MEIKIN: variants seen among roughly 807,000 people sequenced by gnomAD.
MEIKIN encodes meiosis-specific kinetochore protein.
intron 5 of MEIKIN, among the ~76,000 whole-genome samples, chr5:131,931,831 C>T (rs950439160): frequency 2.6e-5 from 4 of 152,320 alleles, no homozygotes; most frequent in African/African-American, 9.6e-5. Context: ...ACCATTCTCA[C>T]ATTTTGTTTT....
chr5:131,809,939 T>G (rs1348909105), intron 12 of MEIKIN, among the ~76,000 whole-genome samples: 1 of 152,176 alleles, frequency 6.6e-6, no homozygotes, highest in East Asian at 1.9e-4. Flanking sequence ...GAGTGATTAT[T>G]ATATGTCACA....
chr5:131,856,004 G>A (rs2149616999), intron 9 of MEIKIN, among the ~76,000 whole-genome samples: 1 of 152,212 alleles, frequency 6.6e-6, no homozygotes, highest in South Asian at 2.1e-4. Context: ...AAGATGTCAA[G>A]TCTGGAATCT....
rs983675206 is a variant in MEIKIN at position 131,854,753 on chromosome 5, C to A, written c.855+1G>T. The A allele has an allele frequency of 7.5e-6, 3 of 397,654 alleles. No individual in the cohort carries two copies. Among genetic ancestry groups the A allele is most frequent in the African/African-American group, 4.1e-5 (2 of 48,590 alleles). The allele number at this position is 397,654 out of a possible 1,614,324, so 24.6% of individuals were successfully genotyped here. A position where few individuals can be genotyped will look rare whatever the true frequency, so the allele number is the denominator to read the frequency against. ...TACAAGTGCCAAATGCTAATACTTACCACAAAACCAGCTGTCTCTGAAGAT... is the reference window on the plus strand; with the variant it reads ...TACAAGTGCCAAATGCTAATACTTAACACAAAACCAGCTGTCTCTGAAGAT... On this transcript the variant is annotated splice_donor_variant, in intron 10 of 12. Transcript: ENST00000442687. LOFTEE classifies it high-confidence loss of function.
At chr5:131,836,654 T>C (rs1213778807) in intron 11 of MEIKIN, among the ~76,000 whole-genome samples, 1 of 152,184 alleles carries the variant, frequency 6.6e-6, no homozygotes, top group African/African-American at 2.4e-5. Context: ...ATCAGTGATG[T>C]TGAGCTTTTT....
chr5:131,815,485 T>C (rs1773085711), intron 12 of MEIKIN, among the ~76,000 whole-genome samples: 1 of 152,248 alleles, frequency 6.6e-6, no homozygotes, highest in Admixed American at 6.5e-5. Context: ...CTCATAATTT[T>C]ATGCCCCACT....
At chr5:131,813,254 C>G (rs1399457858) in intron 12 of MEIKIN, among the ~76,000 whole-genome samples, 3 of 152,132 alleles carry the variant, frequency 2.0e-5, no homozygotes, top group Admixed American at 6.5e-5. Flanking sequence ...AAATGGTTCT[C>G]TATGATATGC....
At chr5:131,810,813 T>C (rs950620638) in intron 12 of MEIKIN, among the ~76,000 whole-genome samples, 6 of 152,350 alleles carry the variant, frequency 3.9e-5, no homozygotes, top group African/African-American at 1.2e-4. Flanking sequence ...GTTTTTTATT[T>C]AATCAGCATA....
At chr5:131,918,261 T>C (rs2149646391) in intron 6 of MEIKIN, among the ~76,000 whole-genome samples, 1 of 152,372 alleles carries the variant, frequency 6.6e-6, no homozygotes, top group Middle Eastern at 3.4e-3. Flanking sequence ...CTGGATCAAG[T>C]TGCATTTGCA....
chr5:131,835,074 C>A (rs1043079895), intron 11 of MEIKIN, among the ~76,000 whole-genome samples: 21 of 151,888 alleles, frequency 1.4e-4, no homozygotes, highest in African/African-American at 4.6e-4. Flanking sequence ...TAAGTGTTGG[C>A]CATTTGTATG....
intron 9 of MEIKIN, among the ~76,000 whole-genome samples, chr5:131,877,362 C>G (rs1326583015): frequency 6.6e-6 from 1 of 152,076 alleles, no homozygotes; most frequent in Non-Finnish European, 1.5e-5. Flanking sequence ...CCTCCAGATT[C>G]CAGCTGGGCA....
intron 9 of MEIKIN, among the ~76,000 whole-genome samples, chr5:131,874,055 A>G (rs1055800007): frequency 6.6e-6 from 1 of 152,236 alleles, no homozygotes; most frequent in African/African-American, 2.4e-5. Flanking sequence ...AAGATCTAAA[A>G]TTGACACCCT....
At chr5:131,879,164 A>AT (rs1750663211) in intron 8 of MEIKIN, 116 bp from the exon 9 acceptor site, 2 of 392,384 alleles carry the variant, frequency 5.1e-6, no homozygotes, top group South Asian at 1.4e-4. Flanking sequence ...AAAACCCCTG[A>AT]TTTTAATGAC....
chr5:131,827,550 T>G (rs953788790), intron 11 of MEIKIN, among the ~76,000 whole-genome samples: 2 of 151,960 alleles, frequency 1.3e-5, no homozygotes, highest in African/African-American at 4.8e-5. Flanking sequence ...CAAGGAAATA[T>G]GTAAAGAAAA....
At chr5:131,830,781 C>T (rs958389379) in intron 11 of MEIKIN, among the ~76,000 whole-genome samples, 2 of 152,094 alleles carry the variant, frequency 1.3e-5, no homozygotes, top group African/African-American at 4.8e-5. Context: ...CAAAGTAAGC[C>T]ACAAGAGATG....
intron 9 of MEIKIN, among the ~76,000 whole-genome samples, chr5:131,878,331 G>A (rs1580886262): frequency 6.6e-6 from 1 of 152,230 alleles, no homozygotes; most frequent in Middle Eastern, 3.4e-3. Flanking sequence ...ACTTTCGGAG[G>A]CCGAGGCGGG....
chr5:131,822,559 A>G (rs2149603822), intron 11 of MEIKIN, among the ~76,000 whole-genome samples: 1 of 152,286 alleles, frequency 6.6e-6, no homozygotes, highest in Middle Eastern at 3.4e-3. Context: ...AAACATTCAA[A>G]AATAATATTA....
At chr5:131,840,270 T>C (rs1014571218) in intron 11 of MEIKIN, among the ~76,000 whole-genome samples, 1 of 152,184 alleles carries the variant, frequency 6.6e-6, no homozygotes, top group African/African-American at 2.4e-5. Flanking sequence ...TGACCTGACC[T>C]TTTTCTCTAG....
intron 8 of MEIKIN, among the ~76,000 whole-genome samples, chr5:131,895,836 A>G (rs1269044905): frequency 6.6e-6 from 1 of 152,180 alleles, no homozygotes; most frequent in East Asian, 1.9e-4. Flanking sequence ...TCAAAAAACC[A>G]GCACCTGGAT....
chr5:131,835,198 G>GTATATATATGTGTGTATATATATGTGTA (rs1749783720), intron 11 of MEIKIN, among the ~76,000 whole-genome samples: 1 of 150,128 alleles, frequency 6.7e-6, no homozygotes, highest in Non-Finnish European at 1.5e-5. Flanking sequence ...ATGTGTGTGT[G>GTATATATATGTGTGTATATATATGTGTA]TATATATATG....
Sources: allele counts gnomAD v4.1 joint callset (sites outside exome capture counted in the v4.1 genomes callset), GRCh38; gene constraint gnomAD v4.1.1; transcripts MANE v1.5; gene names NCBI Gene and HGNC (gene_info 2026-07-23, HGNC 2026-07-21).